The following NUP98 variants were observed in gnomAD, a reference collection of about 807,000 sequenced individuals.
NUP98 encodes the protein nucleoporin 98 and 96 precursor, also known as nuclear pore complex protein Nup98-Nup96.
In NUP98, 26 loss-of-function variants were observed where a neutral mutation model predicts 191.9. The observed-to-expected ratio is 0.14, with a 90% confidence interval of 0.10 to 0.19. NUP98 has a LOEUF of 0.19. Ranked by LOEUF, NUP98 falls within the 10% of genes least tolerant of loss-of-function variation. The pLI, the probability that NUP98 is intolerant of heterozygous loss-of-function variation, is 1.00. For synonymous variants in NUP98, 808 were observed against 778.4 expected (o/e 1.04, Z -0.63); for missense variants, 1,941 against 2,178.8 (o/e 0.89, Z 2.17).
intron 1 of NUP98, among the ~76,000 whole-genome samples, chr11:3,784,309 T>C (rs1178705759): frequency 6.6e-6 from 1 of 151,508 alleles, no homozygotes; most frequent in East Asian, 1.9e-4. Flanking sequence ...ATATTCTCTC[T>C]CCTGAAATTT....
intron 10 of NUP98, chr11:3,760,230 T>C (rs572644444): frequency 2.8e-5 from 11 of 391,172 alleles, no homozygotes; most frequent in African/African-American, 2.2e-4. Flanking sequence ...TCATACAATG[T>C]GTTACTTAAC....
At chr11:3,767,743 T>C (rs2081385929) in intron 8 of NUP98, among the ~76,000 whole-genome samples, 1 of 151,884 alleles carries the variant, frequency 6.6e-6, no homozygotes, top group Non-Finnish European at 1.5e-5. Flanking sequence ...AAAATGTCCC[T>C]AGAAATAAAC....
intron 2 of NUP98, chr11:3,781,405 G>A (rs1332863926): frequency 2.0e-5 from 3 of 147,174 alleles, no homozygotes; most frequent in Non-Finnish European, 4.4e-5. Flanking sequence ...AAGTGTCACA[G>A]CTCTTTTAGA....
At chr11:3,735,436 T>G (rs970343199) in intron 12 of NUP98, 112 bp from the exon 13 acceptor site, 2 of 493,120 alleles carry the variant, frequency 4.1e-6, no homozygotes, top group African/African-American at 4.0e-5. Context: ...GTCTTCAAAA[T>G]GCTCAGATCA....
chr11:3,693,778 T>C (rs2078400269), intron 26 of NUP98, among the ~76,000 whole-genome samples: 1 of 152,238 alleles, frequency 6.6e-6, no homozygotes, highest in Admixed American at 6.5e-5. Flanking sequence ...TGGTTGTCAA[T>C]GTATAAAGCT....
chr11:3,676,697 A>C, intron 31 of NUP98, 77 bp from the exon 32 acceptor site: 1 of 1,130,284 alleles, frequency 8.8e-7, no homozygotes, highest in Non-Finnish European at 1.3e-6. Flanking sequence ...CTCTACACAA[A>C]ACCTTGAAAC....
chr11:3,743,851 A>C (rs2080385601), intron 12 of NUP98, among the ~76,000 whole-genome samples: 1 of 151,536 alleles, frequency 6.6e-6, no homozygotes, highest in Non-Finnish European at 1.5e-5. Flanking sequence ...CAGGAATTCG[A>C]GATCAGCCTG....
intron 10 of NUP98, chr11:3,760,299 A>C (rs1440346972): frequency 2.6e-5 from 14 of 535,188 alleles, no homozygotes; most frequent in Middle Eastern, 5.0e-4. Context: ...AGTAAATGAA[A>C]GGCAATTTAC....
At chr11:3,754,089 G>A (rs1033542910) in intron 10 of NUP98, among the ~76,000 whole-genome samples, 1 of 152,144 alleles carries the variant, frequency 6.6e-6, no homozygotes, top group South Asian at 2.1e-4. Context: ...CAAGTTTCAA[G>A]TTTATTTAGA....
chr11:3,753,995 T>C (rs1286313229), intron 10 of NUP98, among the ~76,000 whole-genome samples: 2 of 151,794 alleles, frequency 1.3e-5, no homozygotes, highest in Admixed American at 1.3e-4. Context: ...ATCAATTCAA[T>C]ATAGGATAAT....
At chr11:3,766,754 G>A (rs1223762574) in intron 8 of NUP98, among the ~76,000 whole-genome samples, 1 of 149,272 alleles carries the variant, frequency 6.7e-6, no homozygotes, top group Non-Finnish European at 1.5e-5. Flanking sequence ...TTTCAAGATT[G>A]TTTTGGCTAT....
At chr11:3,694,216 C>CA (rs1331789813) in intron 26 of NUP98, among the ~76,000 whole-genome samples, 1 of 151,638 alleles carries the variant, frequency 6.6e-6, no homozygotes, top group East Asian at 1.9e-4. Flanking sequence ...ACTAAAAATA[C>CA]AAAAATTAGC....
chr11:3,717,567 T>G (rs191365379), intron 18 of NUP98, among the ~76,000 whole-genome samples: 29 of 152,358 alleles, frequency 1.9e-4, no homozygotes, highest in Admixed American at 2.6e-4. Context: ...TTATAACTAG[T>G]AAGTTTTTTT....
chr11:3,695,913 C>A (rs1364623686), intron 25 of NUP98, among the ~76,000 whole-genome samples: 1 of 152,122 alleles, frequency 6.6e-6, no homozygotes, highest in Non-Finnish European at 1.5e-5. Context: ...GGAAAACAGC[C>A]CGGCATGGTG....
intron 1 of NUP98, among the ~76,000 whole-genome samples, chr11:3,787,784 G>C (rs1328474292): frequency 6.6e-6 from 1 of 152,064 alleles, no homozygotes; most frequent in East Asian, 1.9e-4. Context: ...ACGAGGTCAA[G>C]AGATCGAGAC....
intron 21 of NUP98, among the ~76,000 whole-genome samples, chr11:3,705,770 C>T (rs560244589): frequency 6.6e-6 from 1 of 152,080 alleles, no homozygotes; most frequent in Admixed American, 6.6e-5. Flanking sequence ...TAAAAGTACC[C>T]TGTGATGTAG....
intron 10 of NUP98, among the ~76,000 whole-genome samples, chr11:3,759,622 AAAT>A (rs771162982): frequency 6.6e-6 from 1 of 152,066 alleles, no homozygotes; most frequent in Non-Finnish European, 1.5e-5. Flanking sequence ...TAAATAAATA[AAAT>A]AATATCATCA....
chr11:3,722,479 T>C (rs565886970), intron 16 of NUP98, among the ~76,000 whole-genome samples: 62 of 150,062 alleles, frequency 4.1e-4, no homozygotes, highest in Admixed American at 9.9e-4. Context: ...ATATATATAA[T>C]GGCAATAAGA....
At chr11:3,707,738 C>CAAAATAAAAAAAAAAAAAAAAAAAAAAA (rs2078901885) in intron 20 of NUP98, among the ~76,000 whole-genome samples, 1 of 48,568 alleles carries the variant, frequency 2.1e-5, no homozygotes, top group Admixed American at 2.4e-4. Flanking sequence ...GACTCTGTCT[C>CAAAATAAAAAAAAAAAAAAAAAAAAAAA]AAAAAAAAAA....
Sources: gnomAD v4.1 joint callset for allele counts (sites outside exome capture counted in the v4.1 genomes callset) on GRCh38, gnomAD v4.1.1 for gene constraint, MANE v1.5 for transcripts, NCBI Gene and HGNC (gene_info 2026-07-23, HGNC 2026-07-21) for gene names.